TNR: variants seen among roughly 807,000 people sequenced by gnomAD.
The protein encoded by TNR is tenascin R, also known as tenascin-R.
TNR carries 45 observed loss-of-function variants against 150.4 expected under a neutral mutation model. The observed-to-expected ratio is 0.30, with a 90% confidence interval of 0.24 to 0.38. The LOEUF is 0.38. TNR is among the 10% of genes least tolerant of loss of function. TNR has a pLI of 1.00. For missense variants in TNR, 1,544 were observed against 1,759.1 expected, an observed-to-expected ratio of 0.88 and a Z score of 2.19; for synonymous variants, 687 against 678.4, an observed-to-expected ratio of 1.01 and a Z score of -0.20.
At chr1:175,515,678 T>G (rs1659376301) in intron 2 of TNR, among the ~76,000 whole-genome samples, 2 of 152,092 alleles carry the variant, frequency 1.3e-5, no homozygotes, top group Admixed American at 1.3e-4. Context: ...TGAAAATGGT[T>G]AGTGAGTGTT....
chr1:175,591,160 T>C (rs1309028858), intron 1 of TNR, among the ~76,000 whole-genome samples: 2 of 152,176 alleles, frequency 1.3e-5, no homozygotes, highest in African/African-American at 4.8e-5. Flanking sequence ...TCTGCATCTT[T>C]GTAACTAAAT....
rs1648915759 is a variant in TNR at position 175,318,962 on chromosome 1, A to G, written c.*4395T>C. On this transcript the variant is annotated 3_prime_UTR_variant, in exon 23 of 23. Coordinates refer to ENST00000367674, the MANE Select transcript of TNR (RefSeq NM_003285.3). ...TTATTGAAACTGAACTGAATTTTGA[A>G]TCTTTCAGAGGTTTCTTAATAAAAA... The G allele has an allele frequency of 6.6e-6, 1 of 152,192 alleles. No homozygotes were observed. Among genetic ancestry groups the G allele is most frequent in the Non-Finnish European group, 1.5e-5 (1 of 68,040 alleles). The allele number at this position is 152,192 out of a possible 1,614,324, so 9.4% of individuals were successfully genotyped here.
At position 175,687,844 on chromosome 1, in the gene TNR, T is replaced by C. The variant is rs573713931; in HGVS notation, c.-165+55382A>G. The stretch of plus-strand genomic sequence containing the variant: ...GCCCAGCCCTCCCTATCTTCTGCTG[T>C]TAGCGCCCCCCACCACACCCTCCCC... On this transcript the variant is annotated intron_variant, in intron 1 of 22. Coordinates refer to ENST00000367674, the MANE Select transcript of TNR (RefSeq NM_003285.3). Among the ~76,000 whole-genome samples, 260 of 151,990 alleles carry C rather than the reference T, an allele frequency of 1.7e-3. 4 individuals are homozygous for C. Among genetic ancestry groups the C allele is most frequent in the African/African-American group, 6.0e-3 (248 of 41,446 alleles).
At chr1:175,738,282 T>C (rs551188643) in intron 1 of TNR, among the ~76,000 whole-genome samples, 1 of 152,280 alleles carries the variant, frequency 6.6e-6, no homozygotes, top group South Asian at 2.1e-4. Context: ...CGTCCATTAA[T>C]GGATGGATGA....
At chr1:175,506,973 G>C (rs976306423) in intron 2 of TNR, among the ~76,000 whole-genome samples, 10 of 152,196 alleles carry the variant, frequency 6.6e-5, no homozygotes, top group Non-Finnish European at 5.9e-5. Context: ...TAACAGTATA[G>C]CAGGGGTGCG....
intron 1 of TNR, among the ~76,000 whole-genome samples, chr1:175,611,261 C>T (rs982609898): frequency 6.6e-6 from 1 of 152,246 alleles, no homozygotes; most frequent in South Asian, 2.1e-4. Context: ...GATGTCCACC[C>T]AGGTCCCTTC....
intron 1 of TNR, among the ~76,000 whole-genome samples, chr1:175,623,993 A>G (rs1440410428): frequency 6.6e-6 from 1 of 152,196 alleles, no homozygotes; most frequent in Non-Finnish European, 1.5e-5. Flanking sequence ...ATTTCCATCT[A>G]TATAAAAATG....
chr1:175,719,869 TG>T (rs915283859), intron 1 of TNR, among the ~76,000 whole-genome samples: 1 of 152,216 alleles, frequency 6.6e-6, no homozygotes, highest in Non-Finnish European at 1.5e-5. Context: ...TTGGCCTGTG[TG>T]GGACCCTGTT....
At chr1:175,528,077 C>T (rs1659918659) in intron 2 of TNR, among the ~76,000 whole-genome samples, 192 bp downstream of exon 2, 1 of 152,200 alleles carries the variant, frequency 6.6e-6, no homozygotes. Context: ...TACCCGGTTT[C>T]TCCAGCTTTT....
chr1:175,572,671 A>C (rs1661929055), intron 1 of TNR, among the ~76,000 whole-genome samples: 1 of 152,058 alleles, frequency 6.6e-6, no homozygotes, highest in Non-Finnish European at 1.5e-5. Context: ...ATACCATAAT[A>C]TAATTACATG....
At chr1:175,466,289 T>A (rs1398334495) in intron 2 of TNR, among the ~76,000 whole-genome samples, 1 of 152,226 alleles carries the variant, frequency 6.6e-6, no homozygotes, top group Non-Finnish European at 1.5e-5. Flanking sequence ...TTCTAGTCAT[T>A]CTTCAGCCTC....
chr1:175,556,158 C>T (rs1041493286), intron 1 of TNR, among the ~76,000 whole-genome samples: 1 of 152,246 alleles, frequency 6.6e-6, no homozygotes, highest in Non-Finnish European at 1.5e-5. Flanking sequence ...TGAAGATGGG[C>T]TCCTTGGCCA....
intron 2 of TNR, among the ~76,000 whole-genome samples, chr1:175,456,066 G>T (rs1557945243): frequency 6.6e-6 from 1 of 152,176 alleles, no homozygotes; most frequent in South Asian, 2.1e-4. Context: ...CTGCCTGATT[G>T]CATCTGCCCT....
intron 1 of TNR, among the ~76,000 whole-genome samples, chr1:175,705,008 G>A (rs1306429976): frequency 6.6e-6 from 1 of 152,170 alleles, no homozygotes; most frequent in East Asian, 1.9e-4. Flanking sequence ...GATAATGGAG[G>A]TGGGGCCAGA....
intron 1 of TNR, among the ~76,000 whole-genome samples, chr1:175,652,753 C>T (rs1480410528): frequency 6.6e-6 from 1 of 152,166 alleles, no homozygotes; most frequent in East Asian, 1.9e-4. Flanking sequence ...CCTGTTCAGC[C>T]TGCAGAACTG....
chr1:175,446,417 T>C (rs1656047074), intron 2 of TNR, among the ~76,000 whole-genome samples: 1 of 152,218 alleles, frequency 6.6e-6, no homozygotes, highest in Admixed American at 6.5e-5. Context: ...TGGGACCAGA[T>C]AGAAATTTCT....
chr1:175,648,792 T>TCTTCC (rs1184232204), intron 1 of TNR, among the ~76,000 whole-genome samples: 6 of 152,192 alleles, frequency 3.9e-5, no homozygotes, highest in African/African-American at 1.4e-4. Context: ...CCACCGTTAG[T>TCTTCC]CTTCCCATCT....
chr1:175,700,603 T>C (rs545776981), intron 1 of TNR, among the ~76,000 whole-genome samples: 1 of 152,142 alleles, frequency 6.6e-6, no homozygotes, highest in Non-Finnish European at 1.5e-5. Context: ...GCCAAGCTCA[T>C]GTCCAGCCTC....
chr1:175,330,430 TC>T, intron 20 of TNR, 195 bp from the exon 21 acceptor site: 2 of 503,928 alleles, frequency 4.0e-6, no homozygotes, highest in Non-Finnish European at 6.6e-6. Flanking sequence ...AAGAGGACAG[TC>T]CAGGTCTGCT....
Sources: gnomAD v4.1 joint callset for allele counts (sites outside exome capture counted in the v4.1 genomes callset) on GRCh38, gnomAD v4.1.1 for gene constraint, MANE v1.5 for transcripts, NCBI Gene and HGNC (gene_info 2026-07-23, HGNC 2026-07-21) for gene names.